Variants in LGSN observed in about 807,000 individuals in gnomAD.
LGSN encodes lengsin.
A neutral mutation model predicts 19.5 loss-of-function variants in LGSN; 21 were observed. That is an observed-to-expected ratio of 1.07 (90% confidence interval 0.76 to 1.55). The LOEUF (loss-of-function observed/expected upper bound fraction) is 1.55, where lower values mean the gene tolerates loss of function less well. LGSN is among the 40% of genes most tolerant of loss of function. LGSN has a pLI of 0.00. For missense variants in LGSN, 673 were observed against 608.5 expected (o/e 1.11, Z -1.12); for synonymous variants, 257 against 215.6 (o/e 1.19, Z -1.68).
the LGSN span, among the ~76,000 whole-genome samples, chr6:63,416,101 C>G: frequency 6.6e-6 from 1 of 151,010 alleles, no homozygotes; most frequent in Non-Finnish European, 1.5e-5. Context: ...CCTTCCATTT[C>G]CAAGGGAGAT....
chr6:63,364,353 T>C, the LGSN span, among the ~76,000 whole-genome samples: 11 of 151,928 alleles, frequency 7.2e-5, no homozygotes, highest in South Asian at 2.3e-3. Flanking sequence ...CATTACATAA[T>C]GGTAAAGGAA....
chr6:63,541,550 A>G, the LGSN span, among the ~76,000 whole-genome samples: 2 of 152,110 alleles, frequency 1.3e-5, no homozygotes, highest in Non-Finnish European at 2.9e-5. Flanking sequence ...CTCAAGAAAA[A>G]CAATTTAAGT....
the LGSN span, among the ~76,000 whole-genome samples, chr6:63,393,629 T>A: frequency 7.1e-4 from 108 of 152,288 alleles, no homozygotes; most frequent in African/African-American, 2.4e-3. Context: ...TTGTGAGCCC[T>A]ATGTAAATCA....
the LGSN span, among the ~76,000 whole-genome samples, chr6:63,390,632 G>T: frequency 3.9e-3 from 582 of 151,160 alleles, 5 homozygotes; most frequent in East Asian, 0.041. Context: ...CGAGGCGGGC[G>T]GATCACGAGG....
chr6:63,484,379 G>T, the LGSN span, among the ~76,000 whole-genome samples: 13 of 151,776 alleles, frequency 8.6e-5, no homozygotes, highest in African/African-American at 3.1e-4. Context: ...AAAAATAACC[G>T]AGTGTGGTGC....
intron 1 of LGSN, among the ~76,000 whole-genome samples, chr6:63,314,582 A>G (rs552141289): frequency 1.6e-4 from 25 of 152,352 alleles, no homozygotes; most frequent in African/African-American, 5.5e-4. Context: ...ACTGAGCCTC[A>G]GGAAGATTTT....
chr6:63,428,489 C>T, the LGSN span, among the ~76,000 whole-genome samples: 627 of 152,176 alleles, frequency 4.1e-3, 2 homozygotes, highest in African/African-American at 0.015. Context: ...GTAGCTGGGA[C>T]TACAGACGTG....
At chr6:63,292,332 TC>T (rs1767805530) in intron 2 of LGSN, among the ~76,000 whole-genome samples, 1 of 152,204 alleles carries the variant, frequency 6.6e-6, no homozygotes, top group Non-Finnish European at 1.5e-5. Context: ...CTTTCCAGGC[TC>T]TAGCTCTTCC....
At chr6:63,512,606 G>T in the LGSN span, among the ~76,000 whole-genome samples, 1 of 152,182 alleles carries the variant, frequency 6.6e-6, no homozygotes, top group African/African-American at 2.4e-5. Context: ...ATTGTGCAAA[G>T]GGTATGAGAC....
the LGSN span, among the ~76,000 whole-genome samples, chr6:63,476,558 T>C: frequency 6.6e-6 from 1 of 152,228 alleles, no homozygotes; most frequent in Non-Finnish European, 1.5e-5. Flanking sequence ...CGGTGCTGGC[T>C]TTCAGCTGGG....
chr6:63,326,214 GATACA>G, the LGSN span, among the ~76,000 whole-genome samples: 1 of 151,360 alleles, frequency 6.6e-6, no homozygotes, highest in African/African-American at 2.5e-5. Context: ...CCTTGAGCTA[GATACA>G]GTGCCGACTG....
the LGSN span, among the ~76,000 whole-genome samples, chr6:63,438,814 G>C: frequency 6.6e-6 from 1 of 152,208 alleles, no homozygotes; most frequent in Non-Finnish European, 1.5e-5. Context: ...CAGGGATCTA[G>C]AACTAGAAAT....
the LGSN span, among the ~76,000 whole-genome samples, chr6:63,523,798 C>T: frequency 6.6e-6 from 1 of 152,078 alleles, no homozygotes; most frequent in African/African-American, 2.4e-5. Context: ...GACAATTCTT[C>T]TTTCAGTGGG....
intron 1 of LGSN, among the ~76,000 whole-genome samples, chr6:63,297,112 C>T (rs567338942): frequency 2.6e-5 from 4 of 152,048 alleles, no homozygotes; most frequent in South Asian, 2.1e-4. Flanking sequence ...GAGGCCAAGG[C>T]GGGTGGATCA....
the LGSN span, among the ~76,000 whole-genome samples, chr6:63,390,506 A>G: frequency 1.3e-5 from 2 of 150,744 alleles, no homozygotes; most frequent in Non-Finnish European, 3.0e-5. Context: ...TCATTGTCAG[A>G]TTTTTTTTTA....
At chr6:63,371,433 T>C in the LGSN span, among the ~76,000 whole-genome samples, 1 of 152,252 alleles carries the variant, frequency 6.6e-6, no homozygotes, top group African/African-American at 2.4e-5. Context: ...ATTAGAAGTT[T>C]CCACTCTGAC....
rs549095588 is a variant in LGSN, at chr6:63,283,980, A to T, written c.330+1607T>A. 7.4e-4 allele frequency among the ~76,000 whole-genome samples: 112 copies of T among 152,292 alleles called. 1 individual carries two copies. Among genetic ancestry groups the T allele is most frequent in the South Asian group, 7.1e-3 (34 of 4,820 alleles). The stretch of plus-strand genomic sequence containing the variant: ...GTCCCAAAGTGCTGGGATTACAGGC[A>T]TGAGCCACTGTGCCCGGCCTCTTAA... On this transcript the variant is annotated intron_variant, in intron 3 of 3. Coordinates refer to ENST00000370657, the MANE Select transcript of LGSN (RefSeq NM_016571.3).
At chr6:63,514,615 C>A in the LGSN span, among the ~76,000 whole-genome samples, 1 of 152,212 alleles carries the variant, frequency 6.6e-6, no homozygotes, top group East Asian at 1.9e-4. Context: ...GACTTCTAAG[C>A]AAACCCTCAA....
the LGSN span, among the ~76,000 whole-genome samples, chr6:63,555,440 A>C: frequency 4.4e-3 from 672 of 152,322 alleles, 7 homozygotes; most frequent in Non-Finnish European, 6.4e-3. Flanking sequence ...CCCTTTCTCC[A>C]GTGTCTTCAG....
Sources: gnomAD v4.1 joint callset for allele counts (sites outside exome capture counted in the v4.1 genomes callset) on GRCh38, gnomAD v4.1.1 for gene constraint, MANE v1.5 for transcripts, NCBI Gene and HGNC (gene_info 2026-07-23, HGNC 2026-07-21) for gene names.